Variants in IMMP2L observed in about 807,000 individuals in gnomAD.
IMMP2L encodes the protein inner mitochondrial membrane peptidase subunit 2.
In IMMP2L, 18 loss-of-function variants were observed where a neutral mutation model predicts 19.3. The observed-to-expected ratio is 0.93, with a 90% CI of 0.64 to 1.38. IMMP2L has a LOEUF of 1.38. Ranked by LOEUF, IMMP2L falls within the 40% of genes most tolerant of loss-of-function variation. The pLI is 0.00. For missense variants in IMMP2L, 233 were observed against 218.2 expected, an observed-to-expected ratio of 1.07 and a Z score of -0.43; for synonymous variants, 76 against 73.0, an observed-to-expected ratio of 1.04 and a Z score of -0.21.
intron 3 of IMMP2L, among the ~76,000 whole-genome samples, chr7:111,274,845 T>A (rs1818845798): frequency 6.6e-6 from 1 of 151,828 alleles, no homozygotes; most frequent in South Asian, 2.1e-4. Flanking sequence ...ACAGAAAGAG[T>A]AATAGTATAA....
chr7:110,733,775 G>A (rs754985418), intron 5 of IMMP2L, among the ~76,000 whole-genome samples: 5 of 151,998 alleles, frequency 3.3e-5, no homozygotes, highest in Non-Finnish European at 7.4e-5. Flanking sequence ...AAACAAGGCT[G>A]TTTGGCCCTT....
At chr7:111,408,680 C>A (rs1377031431) in intron 3 of IMMP2L, among the ~76,000 whole-genome samples, 3 of 151,722 alleles carry the variant, frequency 2.0e-5, no homozygotes, top group Admixed American at 2.0e-4. Flanking sequence ...GAGATACTAA[C>A]TTCTCATGTA....
At chr7:110,774,424 T>C (rs1333296413) in intron 5 of IMMP2L, among the ~76,000 whole-genome samples, 4 of 152,030 alleles carry the variant, frequency 2.6e-5, no homozygotes, top group Non-Finnish European at 1.5e-5. Context: ...TCTATAAAAA[T>C]ATTACTTTAA....
intron 2 of IMMP2L, among the ~76,000 whole-genome samples, chr7:111,495,816 C>T (rs1843542605): frequency 6.6e-6 from 1 of 152,124 alleles, no homozygotes; most frequent in Non-Finnish European, 1.5e-5. Flanking sequence ...TTTGACCTTA[C>T]TTCTTTGGGT....
intron 1 of IMMP2L, among the ~76,000 whole-genome samples, chr7:111,536,572 G>C (rs982607222): frequency 1.3e-5 from 2 of 152,090 alleles, no homozygotes. Context: ...CTCCGGAAGT[G>C]CTGGGATTAC....
intron 4 of IMMP2L, among the ~76,000 whole-genome samples, chr7:110,952,982 G>A (rs1817987177): frequency 6.6e-6 from 1 of 151,960 alleles, no homozygotes; most frequent in South Asian, 2.1e-4. Context: ...ACGATTCCAA[G>A]ACTTACTAAG....
At chr7:111,350,767 A>T (rs1828067097) in intron 3 of IMMP2L, among the ~76,000 whole-genome samples, 1 of 152,160 alleles carries the variant, frequency 6.6e-6, no homozygotes, top group South Asian at 2.1e-4. Flanking sequence ...GTTTATTCAT[A>T]GTCACCATGA....
At chr7:111,449,162 C>A (rs928555492) in intron 3 of IMMP2L, among the ~76,000 whole-genome samples, 6 of 148,692 alleles carry the variant, frequency 4.0e-5, no homozygotes, top group Admixed American at 2.0e-4. Context: ...CCTTCTGAAA[C>A]TATCCCAATC....
chr7:110,960,697 T>A (rs1818842990), intron 4 of IMMP2L, among the ~76,000 whole-genome samples: 1 of 151,922 alleles, frequency 6.6e-6, no homozygotes, highest in Non-Finnish European at 1.5e-5. Flanking sequence ...TTCTTCTAGT[T>A]TAGAATGTAC....
intron 3 of IMMP2L, among the ~76,000 whole-genome samples, chr7:111,268,571 T>C (rs112526202): frequency 0.028 from 470 of 16,616 alleles, 2 homozygotes; most frequent in African/African-American, 0.14. Flanking sequence ...ACATTTCTCT[T>C]TTTTTTTTTT....
intron 3 of IMMP2L, among the ~76,000 whole-genome samples, chr7:111,225,188 GA>G (rs1294605784): frequency 6.6e-6 from 1 of 152,006 alleles, no homozygotes; most frequent in African/African-American, 2.4e-5. Context: ...TCACTTCAAG[GA>G]AAACAACTGA....
chr7:111,198,388 G>A (rs1425810326), intron 3 of IMMP2L, among the ~76,000 whole-genome samples: 3 of 152,070 alleles, frequency 2.0e-5, no homozygotes, highest in Admixed American at 6.5e-5. Context: ...CAAGTTCTGA[G>A]TCTTATTTTC....
intron 3 of IMMP2L, among the ~76,000 whole-genome samples, chr7:111,077,583 G>A (rs1302197536): frequency 6.6e-6 from 1 of 152,150 alleles, no homozygotes; most frequent in Non-Finnish European, 1.5e-5. Context: ...GGGAAGTCCA[G>A]TATTCAGCAT....
intron 3 of IMMP2L, among the ~76,000 whole-genome samples, chr7:111,046,533 A>C (rs759713750): frequency 2.6e-5 from 4 of 152,140 alleles, no homozygotes; most frequent in Non-Finnish European, 5.9e-5. Flanking sequence ...GAAACATGAT[A>C]GGGAGTCTAT....
chr7:111,265,825 C>G lies in IMMP2L; in HGVS notation c.239+221413G>C, dbSNP rs560479920. On this transcript the variant is annotated intron_variant, in intron 3 of 5. Coordinates refer to ENST00000405709, the MANE Select transcript of IMMP2L (RefSeq NM_032549.4). ...GAGAAAGAAAACAAGCATTTGTGGTCAAGAAAAGAAGGGGTTTCTGTTTTT... is the reference window on the plus strand; with the variant it reads ...GAGAAAGAAAACAAGCATTTGTGGTGAAGAAAAGAAGGGGTTTCTGTTTTT... Among the ~76,000 whole-genome samples, 10 of 152,150 alleles carry G rather than the reference C, an allele frequency of 6.6e-5. 1 individual carries two copies. In the South Asian group the frequency reaches 1.5e-3, roughly 22 times the overall value.
At chr7:111,205,759 G>C (rs1810633553) in intron 3 of IMMP2L, among the ~76,000 whole-genome samples, 3 of 152,146 alleles carry the variant, frequency 2.0e-5, no homozygotes. Context: ...TGCTGCTCTA[G>C]AGCTGAGTCT....
At chr7:111,491,983 GT>G (rs200523768) in intron 2 of IMMP2L, among the ~76,000 whole-genome samples, 2 of 150,554 alleles carry the variant, frequency 1.3e-5, no homozygotes, top group African/African-American at 2.4e-5. Context: ...TTTTACTGGT[GT>G]TTTTTTTGAA....
chr7:111,179,317 C>G (rs1452814926), intron 3 of IMMP2L, among the ~76,000 whole-genome samples: 7 of 152,072 alleles, frequency 4.6e-5, no homozygotes, highest in Admixed American at 1.3e-4. Flanking sequence ...CAGCCCAGGA[C>G]AGCTTTGAAT....
rs1222332494 is a variant in IMMP2L at position 111,243,665 on chromosome 7, C to A, written c.239+243573G>T. On this transcript the variant is annotated intron_variant, in intron 3 of 5. Coordinates refer to ENST00000405709, the MANE Select transcript of IMMP2L (RefSeq NM_032549.4). The stretch of plus-strand genomic sequence containing the variant: ...ATATCTCCCAATGCTATCCCTCCCC[C>A]CTCCCCCGACCCCACCACAGTCCCC... 9.3e-3 allele frequency among the ~76,000 whole-genome samples: 991 copies of A among 106,286 alleles called. 13 individuals carry two copies. The highest frequency in any genetic ancestry group is 0.015 in the Non-Finnish European group (809 of 52,844). 69.7% of individuals were successfully genotyped at this position (106,286 alleles called of 152,430 possible). A position where few individuals can be genotyped will look rare whatever the true frequency, so the allele number is the denominator to read the frequency against.
Sources: gnomAD v4.1 joint callset for allele counts (sites outside exome capture counted in the v4.1 genomes callset) on GRCh38, gnomAD v4.1.1 for gene constraint, MANE v1.5 for transcripts, NCBI Gene and HGNC (gene_info 2026-07-23, HGNC 2026-07-21) for gene names.